Variants in CNTNAP2 observed in about 807,000 individuals in gnomAD.
The protein encoded by CNTNAP2 is contactin associated protein 2.
In CNTNAP2, 98 loss-of-function variants were observed where a neutral mutation model predicts 155.2. The observed-to-expected ratio is 0.63, with a 90% CI of 0.54 to 0.75. The LOEUF (loss-of-function observed/expected upper bound fraction) is 0.75. Ranked by LOEUF, CNTNAP2 falls within the 30% of genes least tolerant of loss-of-function variation. The pLI is 0.00. For missense variants in CNTNAP2, 1,727 were observed against 1,688.1 expected (o/e 1.02, Z -0.40); for synonymous variants, 651 against 631.2 (o/e 1.03, Z -0.47).
intron 2 of CNTNAP2, among the ~76,000 whole-genome samples, chr7:146,823,556 T>C (rs1355263992): frequency 2.7e-5 from 4 of 147,372 alleles, no homozygotes; most frequent in Admixed American, 6.7e-5. Flanking sequence ...CATTCTTCAG[T>C]ATATTTACAT....
At chr7:146,438,234 A>G (rs1796271591) in intron 1 of CNTNAP2, among the ~76,000 whole-genome samples, 1 of 151,192 alleles carries the variant, frequency 6.6e-6, no homozygotes, top group Non-Finnish European at 1.5e-5. Context: ...AGTAAAGGGA[A>G]TTCTCAAACT....
intron 15 of CNTNAP2, among the ~76,000 whole-genome samples, chr7:148,072,378 C>T (rs1372354944): frequency 2.0e-5 from 3 of 151,956 alleles, no homozygotes; most frequent in Non-Finnish European, 2.9e-5. Context: ...TTCAACTCTG[C>T]CATCATATTG....
rs377630096 is a variant in CNTNAP2, at chr7:148,364,118, C to G, written c.3476-19531C>G. Reference sequence around the variant, plus strand: ...CCACTCCATGGGCTCCTGTGCGGCCCGAGCCTCCCCGACGAGCGCCACCCC... The same window carrying G: ...CCACTCCATGGGCTCCTGTGCGGCCGGAGCCTCCCCGACGAGCGCCACCCC... On this transcript the variant is annotated intron_variant, in intron 21 of 23. Coordinates refer to ENST00000361727, the MANE Select transcript of CNTNAP2 (RefSeq NM_014141.6). 5.9e-5 allele frequency among the ~76,000 whole-genome samples: 9 copies of G among 152,300 alleles called. No homozygotes were observed. In the East Asian group the frequency reaches 1.2e-3, roughly 20 times the overall value.
intron 13 of CNTNAP2, among the ~76,000 whole-genome samples, chr7:147,760,505 A>G (rs1355795225): frequency 6.6e-6 from 1 of 152,208 alleles, no homozygotes; most frequent in Non-Finnish European, 1.5e-5. Flanking sequence ...TAGATTTAGG[A>G]AGATTAAACA....
intron 12 of CNTNAP2, among the ~76,000 whole-genome samples, chr7:147,566,746 T>G (rs1341159628): frequency 6.6e-6 from 1 of 152,184 alleles, no homozygotes; most frequent in Non-Finnish European, 1.5e-5. Context: ...TTGTGGGGAT[T>G]ACAATTCAAG....
At chr7:148,292,389 C>T (rs955296348) in intron 21 of CNTNAP2, among the ~76,000 whole-genome samples, 1 of 152,228 alleles carries the variant, frequency 6.6e-6, no homozygotes, top group Non-Finnish European at 1.5e-5. Flanking sequence ...GCAAGTTCTA[C>T]ATTTCATGTG....
intron 12 of CNTNAP2, among the ~76,000 whole-genome samples, chr7:147,603,036 T>A (rs1028951678): frequency 6.6e-6 from 1 of 151,994 alleles, no homozygotes; most frequent in Non-Finnish European, 1.5e-5. Flanking sequence ...GTATTTCTAG[T>A]TCTAGATCCC....
At chr7:146,710,320 C>T (rs937197488) in intron 1 of CNTNAP2, among the ~76,000 whole-genome samples, 1 of 152,132 alleles carries the variant, frequency 6.6e-6, no homozygotes, top group Non-Finnish European at 1.5e-5. Context: ...AGAAGTGCAA[C>T]TGATCCCATA....
At chr7:147,170,395 G>A (rs1298663974) in intron 8 of CNTNAP2, among the ~76,000 whole-genome samples, 1 of 152,118 alleles carries the variant, frequency 6.6e-6, no homozygotes, top group Non-Finnish European at 1.5e-5. Flanking sequence ...GGAAGCCACT[G>A]CTGATCACCG....
intron 10 of CNTNAP2, among the ~76,000 whole-genome samples, chr7:147,420,733 T>C (rs190618529): frequency 2.0e-4 from 31 of 152,306 alleles, no homozygotes; most frequent in African/African-American, 6.5e-4. Context: ...TGGTGTAGGA[T>C]TGACATTAAA....
At chr7:146,482,737 C>CT in intron 1 of CNTNAP2, among the ~76,000 whole-genome samples, 1 of 145,420 alleles carries the variant, frequency 6.9e-6, no homozygotes, top group Middle Eastern at 3.3e-3. Context: ...GCAAGACTGT[C>CT]TCAAAAAAAA....
chr7:146,893,487 G>GGA (rs61652967), intron 3 of CNTNAP2, among the ~76,000 whole-genome samples: 15 of 150,008 alleles, frequency 1.0e-4, no homozygotes, highest in African/African-American at 3.4e-4. Context: ...ATATATATAT[G>GGA]GAGAGAGAGA....
intron 14 of CNTNAP2, among the ~76,000 whole-genome samples, chr7:147,956,168 A>G (rs952332758): frequency 6.6e-6 from 1 of 152,238 alleles, no homozygotes; most frequent in African/African-American, 2.4e-5. Flanking sequence ...GAATTTTACA[A>G]CATAGAATTT....
chr7:146,523,480 G>A (rs531949213), intron 1 of CNTNAP2, among the ~76,000 whole-genome samples: 6 of 151,782 alleles, frequency 4.0e-5, no homozygotes, highest in African/African-American at 1.2e-4. Context: ...AATTTTAACC[G>A]CCACCAACCC....
intron 9 of CNTNAP2, among the ~76,000 whole-genome samples, chr7:147,380,612 A>C (rs1796519200): frequency 6.6e-6 from 1 of 152,108 alleles, no homozygotes; most frequent in Non-Finnish European, 1.5e-5. Flanking sequence ...CAAAGGCAAG[A>C]GCCCACGCTA....
At chr7:146,762,088 A>G (rs1258251676) in intron 1 of CNTNAP2, among the ~76,000 whole-genome samples, 2 of 152,114 alleles carry the variant, frequency 1.3e-5, no homozygotes, top group Non-Finnish European at 2.9e-5. Context: ...TCTCCAACTT[A>G]TTTTCCTTGT....
intron 3 of CNTNAP2, among the ~76,000 whole-genome samples, chr7:146,925,436 G>A (rs1194182505): frequency 1.3e-5 from 2 of 152,052 alleles, no homozygotes; most frequent in African/African-American, 4.8e-5. Flanking sequence ...GAAGAGCAAG[G>A]TGACAAAAAT....
intron 1 of CNTNAP2, among the ~76,000 whole-genome samples, chr7:146,675,059 A>C (rs893047174): frequency 6.6e-6 from 1 of 152,200 alleles, no homozygotes; most frequent in Non-Finnish European, 1.5e-5. Flanking sequence ...CTTTCACCCC[A>C]ACCAACAAGA....
intron 3 of CNTNAP2, among the ~76,000 whole-genome samples, chr7:147,001,974 G>A (rs1028500033): frequency 1.3e-5 from 2 of 151,582 alleles, no homozygotes; most frequent in African/African-American, 2.4e-5. Flanking sequence ...AATGTAATAG[G>A]AGACATTTAA....
Sources: gnomAD v4.1 joint callset for allele counts (sites outside exome capture counted in the v4.1 genomes callset) on GRCh38, gnomAD v4.1.1 for gene constraint, MANE v1.5 for transcripts, NCBI Gene and HGNC (gene_info 2026-07-23, HGNC 2026-07-21) for gene names.